Variants in CCDC192 observed in about 807,000 individuals in gnomAD.
CCDC192 encodes coiled-coil domain-containing protein 192.
At chr5:127,878,317 G>A (rs1400221458) in intron 6 of CCDC192, among the ~76,000 whole-genome samples, 2 of 152,204 alleles carry the variant, frequency 1.3e-5, no homozygotes, top group Non-Finnish European at 2.9e-5. Flanking sequence ...CAGGGCTGAG[G>A]AAATAAGGTT....
intron 6 of CCDC192, among the ~76,000 whole-genome samples, chr5:127,920,068 C>A (rs867408221): frequency 6.6e-6 from 1 of 152,232 alleles, no homozygotes; most frequent in African/African-American, 2.4e-5. Flanking sequence ...ACCATCCTTG[C>A]AGAGAGAAGA....
chr5:127,767,803 A>G (rs759748223), intron 3 of CCDC192, among the ~76,000 whole-genome samples: 4 of 152,204 alleles, frequency 2.6e-5, no homozygotes, highest in Admixed American at 1.3e-4. Flanking sequence ...GGCTTATTAA[A>G]TGATCCTTTA....
At chr5:127,812,436 T>C (rs1207075625) in intron 5 of CCDC192, among the ~76,000 whole-genome samples, 7 of 152,186 alleles carry the variant, frequency 4.6e-5, no homozygotes, top group African/African-American at 1.7e-4. Context: ...CCAGCCCTCA[T>C]TAATGTTGAT....
chr5:127,881,023 T>C (rs1024762973), intron 6 of CCDC192, among the ~76,000 whole-genome samples: 11 of 152,146 alleles, frequency 7.2e-5, no homozygotes, highest in Non-Finnish European at 1.6e-4. Flanking sequence ...AGTGTAATAC[T>C]TAATGAGCAA....
chr5:127,736,576 G>T (rs1481899809), intron 2 of CCDC192, among the ~76,000 whole-genome samples: 1 of 151,866 alleles, frequency 6.6e-6, no homozygotes, highest in Non-Finnish European at 1.5e-5. Flanking sequence ...TTTTTGGTTG[G>T]TAAGCTATTG....
chr5:127,754,219 T>C (rs1754426453), intron 2 of CCDC192, 49 bp from the exon 3 acceptor site: 5 of 397,474 alleles, frequency 1.3e-5, no homozygotes, highest in Non-Finnish European at 1.8e-5. Flanking sequence ...TGAGATGCAC[T>C]CAAACTATCC....
intron 2 of CCDC192, among the ~76,000 whole-genome samples, chr5:127,712,768 A>G (rs1751411329): frequency 6.6e-6 from 1 of 152,220 alleles, no homozygotes; most frequent in South Asian, 2.1e-4. Context: ...CTCTTGGGAA[A>G]ATACACAAGA....
chr5:127,887,213 C>T (rs1162661424), intron 6 of CCDC192, among the ~76,000 whole-genome samples: 9 of 151,162 alleles, frequency 6.0e-5, no homozygotes, highest in Non-Finnish European at 7.4e-5. Flanking sequence ...CATGTAATCC[C>T]AGCTACTCTG....
chr5:127,891,827 C>T (rs2127156555), intron 6 of CCDC192, among the ~76,000 whole-genome samples: 1 of 152,334 alleles, frequency 6.6e-6, no homozygotes, highest in South Asian at 2.1e-4. Flanking sequence ...TCTACTCCAT[C>T]TAGATGATGG....
At chr5:127,708,496 C>T (rs1048225406) in intron 2 of CCDC192, among the ~76,000 whole-genome samples, 13 of 152,150 alleles carry the variant, frequency 8.5e-5, no homozygotes, top group African/African-American at 2.7e-4. Flanking sequence ...GTTGAAGACC[C>T]TCTGGACTCC....
intron 6 of CCDC192, among the ~76,000 whole-genome samples, chr5:127,877,365 T>A (rs1362230570): frequency 4.1e-4 from 60 of 145,854 alleles, no homozygotes; most frequent in Admixed American, 6.9e-4. Context: ...ATTTTTTTTT[T>A]AAACTACCTG....
chr5:127,754,905 G>A (rs897986682), intron 3 of CCDC192, among the ~76,000 whole-genome samples: 3 of 152,198 alleles, frequency 2.0e-5, no homozygotes, highest in African/African-American at 7.2e-5. Flanking sequence ...GCCCCAGGTG[G>A]CCTGGACACG....
At chr5:127,939,423 C>A (rs1365017656) in intron 6 of CCDC192, among the ~76,000 whole-genome samples, 14 of 152,010 alleles carry the variant, frequency 9.2e-5, no homozygotes, top group Admixed American at 9.2e-4. Flanking sequence ...CACCTTCAAA[C>A]CAACATCTTA....
intron 3 of CCDC192, among the ~76,000 whole-genome samples, chr5:127,779,022 T>C (rs1273507202): frequency 1.3e-5 from 2 of 152,168 alleles, no homozygotes; most frequent in African/African-American, 4.8e-5. Context: ...CTTAGCAACA[T>C]AGCTAAATAT....
At chr5:127,745,350 A>C (rs1487410900) in intron 2 of CCDC192, among the ~76,000 whole-genome samples, 1 of 152,216 alleles carries the variant, frequency 6.6e-6, no homozygotes, top group Non-Finnish European at 1.5e-5. Flanking sequence ...ATAATATGCA[A>C]ATTTTCTTTT....
chr5:127,878,117 C>A (rs1276729835), intron 6 of CCDC192, among the ~76,000 whole-genome samples: 2 of 152,218 alleles, frequency 1.3e-5, no homozygotes, highest in African/African-American at 4.8e-5. Context: ...AGACTTGATT[C>A]TCTCAGGCTA....
At chr5:127,753,819 C>T (rs1754401751) in intron 2 of CCDC192, among the ~76,000 whole-genome samples, 1 of 152,014 alleles carries the variant, frequency 6.6e-6, no homozygotes, top group African/African-American at 2.4e-5. Flanking sequence ...GCTTTAATGA[C>T]ATATGCTAAG....
chr5:127,816,902 A>C (rs1238729217), intron 5 of CCDC192, among the ~76,000 whole-genome samples: 2 of 152,226 alleles, frequency 1.3e-5, no homozygotes, highest in Admixed American at 1.3e-4. Context: ...AATCAAGGCA[A>C]GTTCAACTGT....
At chr5:127,788,658 C>T (rs766770725) in intron 3 of CCDC192, among the ~76,000 whole-genome samples, 1 of 152,002 alleles carries the variant, frequency 6.6e-6, no homozygotes, top group Non-Finnish European at 1.5e-5. Flanking sequence ...CATTTTGATT[C>T]TGTATCTTTT....
Sources: gnomAD v4.1 joint callset for allele counts (sites outside exome capture counted in the v4.1 genomes callset) on GRCh38, gnomAD v4.1.1 for gene constraint, MANE v1.5 for transcripts, NCBI Gene and HGNC (gene_info 2026-07-23, HGNC 2026-07-21) for gene names.